PAICS: variants seen among roughly 807,000 people sequenced by gnomAD.
PAICS encodes bifunctional phosphoribosylaminoimidazole carboxylase/phosphoribosylaminoimidazole succinocarboxamide synthetase.
Under a neutral mutation model 53.7 loss-of-function variants are expected in PAICS, and 33 were observed. The observed-to-expected ratio is 0.61, with a 90% CI of 0.47 to 0.82. The LOEUF (loss-of-function observed/expected upper bound fraction) is 0.82, where lower values mean the gene tolerates loss of function less well. Among genes scored for constraint, PAICS ranks in the 40% least tolerant of loss-of-function variants. The pLI is 0.00. For synonymous variants in PAICS, 141 were observed against 167.2 expected, an observed-to-expected ratio of 0.84 and a Z score of 1.21; for missense variants, 394 against 494.1, an observed-to-expected ratio of 0.80 and a Z score of 1.92.
chr4:56,447,287 A>G (rs917712782), intron 3 of PAICS, among the ~76,000 whole-genome samples: 5 of 152,092 alleles, frequency 3.3e-5, no homozygotes, highest in African/African-American at 9.7e-5. Flanking sequence ...GCTTTTAACC[A>G]TCTTGATTTA....
At position 56,448,843 on chromosome 4, in the gene PAICS, T is replaced by A; in HGVS notation, c.687+20T>A. 7.9e-7 allele frequency: 1 copy of A among 1,273,702 alleles called. No individual in the cohort carries two copies. The highest frequency in any genetic ancestry group is 1.1e-6 in the Non-Finnish European group (1 of 890,516). 78.9% of individuals were successfully genotyped at this position (1,273,702 alleles called of 1,614,324 possible). A position where few individuals can be genotyped will look rare whatever the true frequency, so the allele number is the denominator to read the frequency against. On this transcript the variant is annotated intron_variant, in intron 5 of 8. Transcript: ENST00000512576. ...AAACAGGTAGATAATGCTTCAGGTT[T>A]TTTTATCCTTTTTGAGATCAAGCTG...
intron 8 of PAICS, among the ~76,000 whole-genome samples, chr4:56,455,145 G>A (rs973989291): frequency 8.6e-5 from 13 of 151,988 alleles, no homozygotes; most frequent in Non-Finnish European, 1.2e-4. Context: ...AGTGAGACTC[G>A]GTCTCAAAAT....
At chr4:56,434,698 TTTCCAGATGCACTG>T (rs1717801886), upstream of PAICS, among the ~76,000 whole-genome samples, 1 of 152,238 alleles carries the variant, frequency 6.6e-6, no homozygotes, top group South Asian at 2.1e-4. Context: ...CAATGAATCT[TTTCCAGATGCACTG>T]TTCCCTATGG....
chr4:56,450,184 A>C (rs1293796837), intron 5 of PAICS, among the ~76,000 whole-genome samples: 1 of 152,102 alleles, frequency 6.6e-6, no homozygotes, highest in Non-Finnish European at 1.5e-5. Context: ...GGTGGGGAGC[A>C]AGGGGAGGGA....
At chr4:56,430,874 G>C (rs1578138539), upstream of PAICS, among the ~76,000 whole-genome samples, 1 of 152,084 alleles carries the variant, frequency 6.6e-6, no homozygotes, top group East Asian at 1.9e-4. Flanking sequence ...CCTGGGGCTA[G>C]ATTTCAGTTT....
intron 8 of PAICS, among the ~76,000 whole-genome samples, chr4:56,454,976 G>A (rs1719113952): frequency 6.6e-6 from 1 of 151,980 alleles, no homozygotes; most frequent in South Asian, 2.1e-4. Flanking sequence ...TGGCCAATAT[G>A]GTGAAACCCC....
the PAICS span, among the ~76,000 whole-genome samples, chr4:56,425,629 TC>T: frequency 6.6e-6 from 1 of 152,216 alleles, no homozygotes; most frequent in Non-Finnish European, 1.5e-5. Context: ...CTTTGGAACT[TC>T]CAGAGACAGA....
intron 8 of PAICS, among the ~76,000 whole-genome samples, chr4:56,454,166 T>C (rs2110096278): frequency 6.6e-6 from 1 of 152,304 alleles, no homozygotes; most frequent in South Asian, 2.1e-4. Flanking sequence ...GCAATTTTAT[T>C]AGAAAAGGTT....
At chr4:56,443,336 C>T (rs1479477400) in intron 2 of PAICS, among the ~76,000 whole-genome samples, 10 of 152,058 alleles carry the variant, frequency 6.6e-5, no homozygotes, top group East Asian at 1.9e-4. Flanking sequence ...TATAGGTGCA[C>T]GCCACCATAC....
At chr4:56,428,341 T>C in the PAICS span, among the ~76,000 whole-genome samples, 2 of 152,134 alleles carry the variant, frequency 1.3e-5, no homozygotes, top group African/African-American at 2.4e-5. Flanking sequence ...GGTCAGAGCA[T>C]TGATATGGTC....
At chr4:56,437,819 CAAAAAA>C (rs869109998) in intron 1 of PAICS, among the ~76,000 whole-genome samples, 7 of 21,610 alleles carry the variant, frequency 3.2e-4, no homozygotes, top group Non-Finnish European at 6.5e-4. Context: ...GACTCTGTCT[CAAAAAA>C]AAAAAAAAAA....
At chr4:56,435,505 C>T (rs1333708953), upstream of PAICS, 1 of 1,612,682 alleles carries the variant, frequency 6.2e-7, no homozygotes, top group African/African-American at 1.3e-5. Context: ...GTGGAAGGAC[C>T]TGCCGCTGCG....
In PAICS at chr4:56,464,130, C is replaced by G. The variant is rs900055073; in HGVS notation, c.*4592C>G. 1 of 152,220 alleles carries G rather than the reference C, an allele frequency of 6.6e-6. No homozygotes were observed. The highest frequency in any genetic ancestry group is 2.4e-5 in the African/African-American group (1 of 41,428). The allele number at this position is 152,220 out of a possible 1,614,324, so 9.4% of individuals were successfully genotyped here. A position where few individuals can be genotyped will look rare whatever the true frequency, so the allele number is the denominator to read the frequency against. On this transcript the variant is annotated 3_prime_UTR_variant, in exon 9 of 9. Coordinates refer to ENST00000512576, the MANE Select transcript of PAICS (RefSeq NM_001079524.2). ...ACACTGGCTTTCCTGGGCCTTCAGCCTGCAGAAGGCAGACTGTGGGACTTC... is the reference window on the plus strand; with the variant it reads ...ACACTGGCTTTCCTGGGCCTTCAGCGTGCAGAAGGCAGACTGTGGGACTTC...
chr4:56,425,170 TTA>T, the PAICS span, among the ~76,000 whole-genome samples: 1 of 152,204 alleles, frequency 6.6e-6, no homozygotes, highest in Non-Finnish European at 1.5e-5. Context: ...ACGCTAAGAA[TTA>T]TGTTTTCTTC....
chr4:56,417,144 C>T, the PAICS span, among the ~76,000 whole-genome samples: 9 of 152,090 alleles, frequency 5.9e-5, no homozygotes, highest in Admixed American at 1.3e-4. Context: ...CCACTGCACC[C>T]GGCCGCTTCT....
chr4:56,431,500 A>G (rs1196999903), upstream of PAICS: 49 of 980,476 alleles, frequency 5.0e-5, 1 homozygote, highest in Non-Finnish European at 2.7e-5. Flanking sequence ...TAACAGAACC[A>G]AAAGATTCTA....
At chr4:56,456,121 G>T (rs747839909) in intron 8 of PAICS, among the ~76,000 whole-genome samples, 1 of 151,816 alleles carries the variant, frequency 6.6e-6, no homozygotes, top group South Asian at 2.1e-4. Context: ...AGACGGAGTC[G>T]GGCTCTCTTG....
chr4:56,450,665 T>C lies in PAICS; in HGVS notation c.734T>C (p.Val245Ala), dbSNP rs1376390098. Reference protein sequence around the residue: ...KEVTPEGLQMVKKNFEWVAER... With the variant: ...KEVTPEGLQMAKKNFEWVAER... Reference sequence around the variant, plus strand: ...GTAACTCCTGAAGGGCTCCAAATGGTAAAGAAAAACTTTGAGTGGGTTGCA... The same window carrying C: ...GTAACTCCTGAAGGGCTCCAAATGGCAAAGAAAAACTTTGAGTGGGTTGCA... The change falls in exon 6 of 9, where the codon GTA (valine) becomes GCA (alanine). Residue 245 changes from valine (V) to alanine (A), a missense_variant. This residue lies in a region of PAICS where 131 missense variants were observed against 205.5 expected (regional missense o/e 0.64). Coordinates refer to ENST00000512576, the MANE Select transcript of PAICS (RefSeq NM_001079524.2). The C allele has an allele frequency of 1.3e-6, 2 of 1,545,394 alleles. No individual in the cohort carries two copies. The highest frequency in any genetic ancestry group is 3.8e-5 in the Admixed American group (2 of 52,576).
At chr4:56,457,255 A>G (rs1434773814) in intron 8 of PAICS, among the ~76,000 whole-genome samples, 1 of 152,056 alleles carries the variant, frequency 6.6e-6, no homozygotes, top group Non-Finnish European at 1.5e-5. Flanking sequence ...TCTACCATAA[A>G]TACAAAAATT....
Sources: allele counts gnomAD v4.1 joint callset (sites outside exome capture counted in the v4.1 genomes callset), GRCh38; gene constraint gnomAD v4.1.1; regional missense constraint gnomAD v4.1.1; transcripts MANE v1.5; gene names NCBI Gene and HGNC (gene_info 2026-07-23, HGNC 2026-07-21).